The following GHRHR variants were observed in gnomAD, a reference collection of about 807,000 sequenced individuals.
GHRHR encodes the protein growth hormone-releasing hormone receptor.
Under a neutral mutation model 58.3 loss-of-function variants are expected in GHRHR, and 40 were observed. That is an observed-to-expected ratio of 0.69 (90% CI 0.53 to 0.89). The LOEUF (loss-of-function observed/expected upper bound fraction) is 0.89. Ranked by LOEUF, GHRHR falls within the 40% of genes least tolerant of loss-of-function variation. The pLI, the probability that GHRHR is intolerant of heterozygous loss-of-function variation, is 0.00. For missense variants in GHRHR, 551 were observed against 541.3 expected, an observed-to-expected ratio of 1.02 and a Z score of -0.18; for synonymous variants, 249 against 216.6, an observed-to-expected ratio of 1.15 and a Z score of -1.31.
rs774281185 is a variant in GHRHR at position 30,972,025 on chromosome 7, C to T, written c.527C>T (p.Ala176Val). ...CTGTTCACCACTTTTATCCTCAAGG[C>T]GGGAGCTGTGTTCCTGAAGGATGCT... ...TQLFTTFILKAGAVFLKDAAL... is the reference protein window; with the variant it reads ...TQLFTTFILKVGAVFLKDAAL... Residue 176 changes from alanine (A) to valine (V), a missense_variant, in exon 6 of 13, where the codon GCG (alanine) becomes GTG (valine). Coordinates refer to ENST00000326139, the MANE Select transcript of GHRHR (RefSeq NM_000823.4). 3.2e-5 allele frequency: 51 copies of T among 1,613,796 alleles called. No individual in the cohort carries two copies. Among genetic ancestry groups the T allele is most frequent in the South Asian group, 5.5e-5 (5 of 91,074 alleles).
At position 30,974,440 on chromosome 7, in the gene GHRHR, C is replaced by T; in HGVS notation, c.763C>T (p.Leu255Phe). 8.1e-6 allele frequency: 13 copies of T among 1,611,556 alleles called. No homozygotes were observed. The highest frequency in any genetic ancestry group is 1.1e-5 in the Non-Finnish European group (13 of 1,177,620). ...CTGTACTCCTGTAGGGCTGCCCGTG[C>T]TCTTCACTGGCACGTGGGTGAGCTG... ...LVLAGWGLPV[L>F]FTGTWVSCKL... The change falls in exon 8 of 13, where the codon CTC becomes TTC. Residue 255 changes from leucine to phenylalanine, a missense_variant. Leu to Phe is a conservative substitution (Grantham distance 22, BLOSUM62 0). Transcript: ENST00000326139.
In GHRHR at chr7:30,971,229, C is replaced by T. The variant is rs1376304527; in HGVS notation, c.464+13C>T. On this transcript the variant is annotated intron_variant, in intron 5 of 12. Coordinates refer to ENST00000326139, the MANE Select transcript of GHRHR (RefSeq NM_000823.4). ...TGGTTGCTCTCAGGTTTGTCATCCT[C>T]ATCACCAGCTCAAGAACCTTCCTTG... 3 of 1,180,768 alleles carry T rather than the reference C, an allele frequency of 2.5e-6. No homozygotes were observed. Among genetic ancestry groups the T allele is most frequent in the Non-Finnish European group, 3.7e-6 (3 of 807,302 alleles). The allele number at this position is 1,180,768 out of a possible 1,614,324, so 73.1% of individuals were successfully genotyped here. A position where few individuals can be genotyped will look rare whatever the true frequency, so the allele number is the denominator to read the frequency against.
At chr7:30,976,368 G>T in intron 10 of GHRHR, 61 bp from the exon 11 acceptor site, 1 of 1,519,672 alleles carries the variant, frequency 6.6e-7, no homozygotes. Flanking sequence ...GAGAGGAGAT[G>T]AAGTGCACAC....
intron 1 of GHRHR, among the ~76,000 whole-genome samples, chr7:30,967,205 G>A (rs777947087): frequency 3.5e-4 from 53 of 152,284 alleles, no homozygotes; most frequent in Non-Finnish European, 5.9e-4. Context: ...CTTCGGTTTG[G>A]GGCGGTGGGA....
chr7:30,969,815 C>A, intron 3 of GHRHR, 52 bp from the exon 4 acceptor site: 1 of 1,599,394 alleles, frequency 6.3e-7, no homozygotes, highest in Non-Finnish European at 8.6e-7. Context: ...CCCCAGCCCC[C>A]TCCTGGGGAG....
chr7:30,964,229 C>T, intron 1 of GHRHR, 104 bp downstream of exon 1: 2 of 1,012,680 alleles, frequency 2.0e-6, no homozygotes, highest in South Asian at 2.7e-5. Context: ...CCTTCTCCTG[C>T]TCTAGAGTCC....
In GHRHR at chr7:30,969,847, G is replaced by A. The variant is rs746608316; in HGVS notation, c.269-20G>A. On this transcript the variant is annotated intron_variant, in intron 3 of 12. Coordinates refer to ENST00000326139, the MANE Select transcript of GHRHR (RefSeq NM_000823.4). ...GGAGAGGGAAGGAGTTGTGGCTAGAGAGTCTTGCTTGCCTCCCAGGGGCTG... is the reference window on the plus strand; with the variant it reads ...GGAGAGGGAAGGAGTTGTGGCTAGAAAGTCTTGCTTGCCTCCCAGGGGCTG... 1 of 1,613,296 alleles carries A rather than the reference G, an allele frequency of 6.2e-7. No homozygotes were observed. The highest frequency in any genetic ancestry group is 8.5e-7 in the Non-Finnish European group (1 of 1,179,174).
At chr7:30,975,967 T>A (rs1196532060) in intron 10 of GHRHR, 99 bp downstream of exon 10, 3 of 760,868 alleles carry the variant, frequency 3.9e-6, no homozygotes. Flanking sequence ...CTCAGCCCCA[T>A]ACTCTTTCTT....
chr7:30,973,931 G>A, intron 6 of GHRHR, 54 bp from the exon 7 acceptor site: 2 of 1,570,858 alleles, frequency 1.3e-6, no homozygotes, highest in Non-Finnish European at 1.7e-6. Flanking sequence ...AGGAGACTGG[G>A]ATGGGGCTCC....
chr7:30,971,084 A>C (rs1792472055), intron 4 of GHRHR, 35 bp from the exon 5 acceptor site: 2 of 919,714 alleles, frequency 2.2e-6, no homozygotes, highest in East Asian at 2.6e-5. Context: ...AAAGGCCCAG[A>C]AGCTGAGACT....
At chr7:30,973,942 A>G (rs2128598195) in intron 6 of GHRHR, 43 bp from the exon 7 acceptor site, 1 of 1,592,962 alleles carries the variant, frequency 6.3e-7, no homozygotes, top group Non-Finnish European at 8.6e-7. Flanking sequence ...ATGGGGCTCC[A>G]GTGGGTGTCC....
intron 12 of GHRHR, 51 bp downstream of exon 12, chr7:30,977,373 T>G (rs763200324): frequency 1.3e-6 from 2 of 1,504,372 alleles, no homozygotes; most frequent in Non-Finnish European, 1.9e-6. Flanking sequence ...CCACCAGACC[T>G]AAGGCCCCTC....
chr7:30,977,199 G>A lies in GHRHR; in HGVS notation c.1105-82G>A, dbSNP rs574306349. 4.8e-4 allele frequency: 636 copies of A among 1,317,934 alleles called. 7 individuals are homozygous for A. The South Asian group carries it at 7.1e-3, about 15-fold the overall frequency. The allele number at this position is 1,317,934 out of a possible 1,614,324, so 81.6% of individuals were successfully genotyped here. On this transcript the variant is annotated intron_variant, in intron 11 of 12. Coordinates refer to ENST00000326139, the MANE Select transcript of GHRHR (RefSeq NM_000823.4). ...CAAGCCATAGCCTGGGGATGAGTAG[G>A]GAAAAGGTAGCAGAAAGACGGTGGA...
At position 30,975,938 on chromosome 7, in the gene GHRHR, T is replaced by C. The variant is rs1792568447; in HGVS notation, c.974+70T>C. 6 of 886,742 alleles carry C rather than the reference T, an allele frequency of 6.8e-6. No homozygotes were observed. In the East Asian group the frequency reaches 1.4e-4, roughly 21 times the overall value. 54.9% of individuals were successfully genotyped at this position (886,742 alleles called of 1,614,324 possible). On this transcript the variant is annotated intron_variant, in intron 10 of 12. Transcript: ENST00000326139. ...AGGGGGATTCAATGTGTCTGTCTCA[T>C]CCAATAAGCACTCATGACCTCAGCC...
chr7:30,979,285 G>T lies in GHRHR; in HGVS notation c.*41G>T, dbSNP rs764629030. On this transcript the variant is annotated 3_prime_UTR_variant, in exon 13 of 13. Transcript: ENST00000326139. ...CACTGGAGTCCACACTTGAATTTGG[G>T]CAGCTACCACGGGTCTGCCATGCTC... 6.2e-7 allele frequency: 1 copy of T among 1,605,812 alleles called. No individual in the cohort carries two copies. Among genetic ancestry groups the T allele is most frequent in the East Asian group, 2.2e-5 (1 of 44,730 alleles).
chr7:30,974,087 A>G lies in GHRHR; in HGVS notation c.700A>G (p.Thr234Ala). 2 of 1,612,278 alleles carry G rather than the reference A, an allele frequency of 1.2e-6. No individual in the cohort carries two copies. Among genetic ancestry groups the G allele is most frequent in the Non-Finnish European group, 1.7e-6 (2 of 1,179,500 alleles). Reference protein sequence around the residue: ...AVYLNCLLASTSPSSRRAFWW... With the variant: ...AVYLNCLLASASPSSRRAFWW... ...CTACCTGAACTGCCTCCTGGCCTCC[A>G]CCTCCCCCAGCTCAAGGAGAGCCTT... The change falls in exon 7 of 13, where the codon ACC (threonine) becomes GCC (alanine). Residue 234 changes from threonine (T) to alanine (A), a missense_variant. Physicochemically the swap from Thr to Ala is moderately conservative, Grantham distance 58 (BLOSUM62 0). Coordinates refer to ENST00000326139, the MANE Select transcript of GHRHR (RefSeq NM_000823.4).
rs1305230994 is a variant in GHRHR, at chr7:30,974,098, C to T, written c.711C>T (p.Ser237=). 6.2e-7 allele frequency: 1 copy of T among 1,614,188 alleles called. No homozygotes were observed. The highest frequency in any genetic ancestry group is 1.7e-5 in the Admixed American group (1 of 60,032). ...GCCTCCTGGCCTCCACCTCCCCCAG[C>T]TCAAGGAGAGCCTTCTGGTGGCTGG... is the stretch of plus-strand genomic sequence containing the variant. ...LNCLLASTSP[S]SRRAFWWLVL... The change falls in exon 7 of 13, where the codon AGC becomes AGT. Residue 237 remains serine (S), a synonymous_variant. Transcript: ENST00000326139.
intron 1 of GHRHR, among the ~76,000 whole-genome samples, chr7:30,966,931 T>C (rs951499018): frequency 1.6e-4 from 24 of 152,178 alleles, no homozygotes; most frequent in African/African-American, 5.5e-4. Context: ...CATGAGCCAC[T>C]GCGCCCGGCC....
intron 1 of GHRHR, among the ~76,000 whole-genome samples, chr7:30,964,409 C>T (rs1355227666): frequency 2.9e-3 from 1 of 340 alleles, no homozygotes; most frequent in African/African-American, 3.6e-3. Context: ...CAGGGCCTGG[C>T]TGTGCCTCTG....
Sources: allele counts gnomAD v4.1 joint callset (sites outside exome capture counted in the v4.1 genomes callset), GRCh38; gene constraint gnomAD v4.1.1; transcripts MANE v1.5; gene names NCBI Gene and HGNC (gene_info 2026-07-23, HGNC 2026-07-21).